Variants in ADAM18 observed in about 807,000 individuals in gnomAD.
ADAM18 encodes the protein disintegrin and metalloproteinase domain-containing protein 18.
In ADAM18, 117 loss-of-function variants were observed where a neutral mutation model predicts 94.4. That is an observed-to-expected ratio of 1.24 (90% CI 1.07 to 1.45). ADAM18 has a LOEUF of 1.45. ADAM18 is among the 40% of genes most tolerant of loss of function. ADAM18 has a pLI of 0.00. For missense variants in ADAM18, 936 were observed against 880.0 expected, an observed-to-expected ratio of 1.06 and a Z score of -0.81; for synonymous variants, 327 against 291.6, an observed-to-expected ratio of 1.12 and a Z score of -1.24.
At chr8:39,676,784 T>C (rs1821315113) in intron 14 of ADAM18, among the ~76,000 whole-genome samples, 1 of 152,192 alleles carries the variant, frequency 6.6e-6, no homozygotes, top group South Asian at 2.1e-4. Context: ...TTGGCAAGTG[T>C]ATTATTTTCT....
intron 17 of ADAM18, among the ~76,000 whole-genome samples, chr8:39,701,755 CTG>C (rs1822085720): frequency 6.6e-6 from 1 of 152,072 alleles, no homozygotes; most frequent in South Asian, 2.1e-4. Context: ...TTTTCTGTTC[CTG>C]TGTTTGTTTG....
intron 16 of ADAM18, among the ~76,000 whole-genome samples, chr8:39,683,541 A>G (rs1018379278): frequency 1.5e-4 from 23 of 152,318 alleles, no homozygotes; most frequent in African/African-American, 4.8e-4. Context: ...TTCCACCAGC[A>G]GTGTGTAAGT....
At chr8:39,587,810 CTG>C (rs1434697843) in intron 2 of ADAM18, among the ~76,000 whole-genome samples, 1 of 152,138 alleles carries the variant, frequency 6.6e-6, no homozygotes, top group Non-Finnish European at 1.5e-5. Flanking sequence ...CCTTCTGTGA[CTG>C]TCTCATTTAA....
intron 6 of ADAM18, among the ~76,000 whole-genome samples, chr8:39,621,348 C>CACAG (rs1819608398): frequency 7.0e-6 from 1 of 142,760 alleles, no homozygotes; most frequent in Admixed American, 6.9e-5. Flanking sequence ...CACACACACA[C>CACAG]ACACACACAC....
At chr8:39,675,602 C>T (rs1329851581) in intron 14 of ADAM18, among the ~76,000 whole-genome samples, 1 of 152,072 alleles carries the variant, frequency 6.6e-6, no homozygotes, top group African/African-American at 2.4e-5. Context: ...TTGTTATTAC[C>T]AACCTTCTGA....
At chr8:39,676,412 T>A (rs961853706) in intron 14 of ADAM18, among the ~76,000 whole-genome samples, 12 of 152,322 alleles carry the variant, frequency 7.9e-5, no homozygotes, top group African/African-American at 2.2e-4. Context: ...ACTGCTGCGC[T>A]AGCAGTGAGC....
chr8:39,657,849 G>A (rs1302839165), intron 12 of ADAM18, among the ~76,000 whole-genome samples: 1 of 151,832 alleles, frequency 6.6e-6, no homozygotes. Flanking sequence ...GAAAGGAAAA[G>A]CAAAACAAAA....
In ADAM18 at chr8:39,601,550, T is replaced by A. The variant is rs371287311; in HGVS notation, c.133-4757T>A. Among the ~76,000 whole-genome samples, 428 of 152,342 alleles carry A rather than the reference T, an allele frequency of 2.8e-3. 4 individuals are homozygous for A. Among genetic ancestry groups the A allele is most frequent in the African/African-American group, 9.9e-3 (412 of 41,584 alleles). On this transcript the variant is annotated intron_variant, in intron 2 of 19. Coordinates refer to ENST00000265707, the MANE Select transcript of ADAM18 (RefSeq NM_014237.3). The stretch of plus-strand genomic sequence containing the variant: ...ATGTACACATTTAGTTTATTTATGA[T>A]TAGCATTTGGATGATATATTTCTCT...
intron 18 of ADAM18, among the ~76,000 whole-genome samples, chr8:39,719,961 A>AT (rs1165231513): frequency 1.3e-5 from 2 of 151,480 alleles, no homozygotes; most frequent in Non-Finnish European, 3.0e-5. Flanking sequence ...TATAGTAACA[A>AT]TTTTTGTAAT....
intron 18 of ADAM18, among the ~76,000 whole-genome samples, chr8:39,714,280 G>A (rs919990482): frequency 5.3e-5 from 8 of 152,052 alleles, no homozygotes; most frequent in African/African-American, 1.9e-4. Flanking sequence ...CACACACCAG[G>A]GCCTGTTGGG....
intron 17 of ADAM18, among the ~76,000 whole-genome samples, chr8:39,697,870 G>A (rs549093572): frequency 2.0e-5 from 3 of 151,724 alleles, no homozygotes; most frequent in African/African-American, 7.2e-5. Flanking sequence ...TGCTTTTAAT[G>A]TTTTCTTTTT....
chr8:39,723,708 C>T (rs1217374528), intron 18 of ADAM18, 40 bp from the exon 19 acceptor site: 1 of 1,316,668 alleles, frequency 7.6e-7, no homozygotes, highest in Non-Finnish European at 1.0e-6. Context: ...TTTAAATATC[C>T]ACTGAGTCCC....
At chr8:39,635,109 G>A (rs1199587080) in intron 7 of ADAM18, among the ~76,000 whole-genome samples, 1 of 152,114 alleles carries the variant, frequency 6.6e-6, no homozygotes, top group African/African-American at 2.4e-5. Flanking sequence ...TGCCATGTGA[G>A]GATACAGCAA....
At chr8:39,689,661 T>C (rs1278708288) in intron 16 of ADAM18, among the ~76,000 whole-genome samples, 1 of 152,190 alleles carries the variant, frequency 6.6e-6, no homozygotes, top group Non-Finnish European at 1.5e-5. Flanking sequence ...TGCATAGGAT[T>C]GCATTGGCTA....
intron 14 of ADAM18, among the ~76,000 whole-genome samples, chr8:39,676,448 C>T (rs1010451950): frequency 3.3e-5 from 5 of 152,314 alleles, no homozygotes; most frequent in Admixed American, 2.0e-4. Flanking sequence ...TGGGAACTGT[C>T]GAGCCAGGCA....
At chr8:39,614,883 G>A (rs1027435565) in intron 6 of ADAM18, among the ~76,000 whole-genome samples, 1 of 152,062 alleles carries the variant, frequency 6.6e-6, no homozygotes, top group Non-Finnish European at 1.5e-5. Context: ...GTGATAAAGG[G>A]TTCATATCAA....
chr8:39,587,066 T>A (rs1818424490), intron 2 of ADAM18, among the ~76,000 whole-genome samples: 1 of 152,208 alleles, frequency 6.6e-6, no homozygotes, highest in Non-Finnish European at 1.5e-5. Flanking sequence ...AAAACTTTAT[T>A]GAGTTATAAT....
At chr8:39,614,460 G>C (rs547468070) in intron 6 of ADAM18, among the ~76,000 whole-genome samples, 80 of 152,224 alleles carry the variant, frequency 5.3e-4, no homozygotes, top group African/African-American at 1.8e-3. Context: ...TTTACAAGAG[G>C]CCCTTAAGGG....
At chr8:39,674,439 GC>G (rs1821242591) in intron 14 of ADAM18, among the ~76,000 whole-genome samples, 1 of 152,086 alleles carries the variant, frequency 6.6e-6, no homozygotes, top group South Asian at 2.1e-4. Flanking sequence ...TACTAGGATT[GC>G]AACCCCTGCT....
Sources: allele counts gnomAD v4.1 joint callset (sites outside exome capture counted in the v4.1 genomes callset), GRCh38; gene constraint gnomAD v4.1.1; transcripts MANE v1.5; gene names NCBI Gene and HGNC (gene_info 2026-07-23, HGNC 2026-07-21).